Variants in MCUR1 observed in about 807,000 individuals in gnomAD.
MCUR1 encodes the protein MCU regulator 1.
A neutral mutation model predicts 42.0 loss-of-function variants in MCUR1; 37 were observed. That is an observed-to-expected ratio of 0.88 (90% CI 0.68 to 1.16). MCUR1 has a LOEUF of 1.16. Among genes scored for constraint, MCUR1 ranks in the 50% most tolerant of loss-of-function variants. The pLI, the probability that MCUR1 is intolerant of heterozygous loss-of-function variation, is 0.00. For missense variants in MCUR1, 469 were observed against 468.4 expected (o/e 1.00, Z -0.01); for synonymous variants, 229 against 196.2 (o/e 1.17, Z -1.40).
chr6:13,812,340 C>T (rs1287686744), intron 1 of MCUR1, among the ~76,000 whole-genome samples: 1 of 150,938 alleles, frequency 6.6e-6, no homozygotes, highest in Non-Finnish European at 1.5e-5. Context: ...TTAACTGTGT[C>T]TCTGCTCTCT....
At chr6:13,794,833 C>T (rs1049695345) in intron 6 of MCUR1, among the ~76,000 whole-genome samples, 1 of 152,054 alleles carries the variant, frequency 6.6e-6, no homozygotes, top group African/African-American at 2.4e-5. Flanking sequence ...CATAATCCAG[C>T]GTTACTAAAG....
In MCUR1 at chr6:13,801,390, C is replaced by G. The variant is rs1016585041; in HGVS notation, c.640-1G>C. ...ACATTACTTGCTGAAAAGTGATTTC[C>G]TAGGAAAAGAAAAACAAAACACATA... On this transcript the variant is annotated splice_acceptor_variant, in intron 3 of 8. Coordinates refer to ENST00000379170, the MANE Select transcript of MCUR1 (RefSeq NM_001031713.4). LOFTEE classifies it high-confidence loss of function. 4.4e-6 allele frequency: 7 copies of G among 1,602,478 alleles called. No individual in the cohort carries two copies. The highest frequency in any genetic ancestry group is 5.1e-6 in the Non-Finnish European group (6 of 1,173,600).
At chr6:13,812,850 C>A (rs557789444) in intron 1 of MCUR1, among the ~76,000 whole-genome samples, 1 of 152,188 alleles carries the variant, frequency 6.6e-6, no homozygotes, top group East Asian at 1.9e-4. Flanking sequence ...TGATTTTTTT[C>A]TTTAATCAAC....
At chr6:13,800,573 AAGTTAACTC>A (rs1175227512) in intron 4 of MCUR1, among the ~76,000 whole-genome samples, 191 bp from the exon 5 acceptor site, 1 of 152,186 alleles carries the variant, frequency 6.6e-6, no homozygotes, top group Non-Finnish European at 1.5e-5. Context: ...AGGCTATGTA[AAGTTAACTC>A]AGTTGTGTTT....
At chr6:13,810,976 A>G (rs1409115910) in intron 1 of MCUR1, among the ~76,000 whole-genome samples, 1 of 152,116 alleles carries the variant, frequency 6.6e-6, no homozygotes, top group Admixed American at 6.5e-5. Context: ...AAGCTATTCT[A>G]TTTCCTGCAA....
intron 6 of MCUR1, among the ~76,000 whole-genome samples, chr6:13,794,785 G>C (rs992188767): frequency 1.3e-5 from 2 of 151,566 alleles, no homozygotes; most frequent in Non-Finnish European, 2.9e-5. Flanking sequence ...TGCACATGTT[G>C]GTTTTAATAA....
chr6:13,806,992 G>A lies in MCUR1; in HGVS notation c.468C>T (p.Phe156=). 2 of 1,613,680 alleles carry A rather than the reference G, an allele frequency of 1.2e-6. No individual in the cohort carries two copies. The highest frequency in any genetic ancestry group is 1.1e-5 in the South Asian group (1 of 91,060). Residue 156 remains phenylalanine (F), a synonymous_variant, in exon 2 of 9, where the codon TTC becomes TTT. Coordinates refer to ENST00000379170, the MANE Select transcript of MCUR1 (RefSeq NM_001031713.4). ...SLQLERKRRD[F]TSSGSRKLYF... ...AGAGTTTCCTGCTCCCAGAAGAGGT[G>A]AAATCTCTCCTTTTGCGCTCCAGCT...
rs1351825678 is a variant in MCUR1, at chr6:13,807,160, G to A, written c.416-116C>T. 37 of 1,130,956 alleles carry A rather than the reference G, an allele frequency of 3.3e-5. No individual in the cohort carries two copies. In the Admixed American group the frequency reaches 3.4e-4, roughly 10 times the overall value. The allele number at this position is 1,130,956 out of a possible 1,614,324, so 70.1% of individuals were successfully genotyped here. ...CTTCGTGGTACTTTATAACAGCTTC[G>A]TTGAGATATACAATTCACCCAATTT... On this transcript the variant is annotated intron_variant, in intron 1 of 8. Coordinates refer to ENST00000379170, the MANE Select transcript of MCUR1 (RefSeq NM_001031713.4).
intron 1 of MCUR1, among the ~76,000 whole-genome samples, chr6:13,810,771 T>C (rs1246288699): frequency 1.3e-5 from 2 of 152,184 alleles, no homozygotes; most frequent in Non-Finnish European, 2.9e-5. Flanking sequence ...CAATAATCCA[T>C]ATCTGTATCA....
In MCUR1 at chr6:13,790,708, C is replaced by T. The variant is rs551211247; in HGVS notation, c.*101G>A. 1 of 836,402 alleles carries T rather than the reference C, an allele frequency of 1.2e-6. No individual in the cohort carries two copies. The highest frequency in any genetic ancestry group is 1.8e-5 in the African/African-American group (1 of 57,014). 51.8% of individuals were successfully genotyped at this position (836,402 alleles called of 1,614,324 possible). A position where few individuals can be genotyped will look rare whatever the true frequency, so the allele number is the denominator to read the frequency against. On this transcript the variant is annotated 3_prime_UTR_variant, in exon 9 of 9. Transcript: ENST00000379170. Reference sequence around the variant, plus strand: ...CCTCAGGTAATCCACCTGCCTCAGCCTCCCAAAGTGCTGGAATTACAGGTG... The same window carrying T: ...CCTCAGGTAATCCACCTGCCTCAGCTTCCCAAAGTGCTGGAATTACAGGTG...
chr6:13,808,333 A>G (rs1219822904), intron 1 of MCUR1, among the ~76,000 whole-genome samples: 3 of 152,180 alleles, frequency 2.0e-5, no homozygotes, highest in African/African-American at 7.2e-5. Flanking sequence ...TCCTTTGCCC[A>G]TTTTTAATAG....
intron 3 of MCUR1, among the ~76,000 whole-genome samples, chr6:13,801,690 A>G (rs1292818236): frequency 6.6e-6 from 1 of 152,106 alleles, no homozygotes; most frequent in Non-Finnish European, 1.5e-5. Flanking sequence ...TCTCTACCAA[A>G]AGTACAAAAA....
rs1229917460 is a variant in MCUR1, at chr6:13,787,543, G to A, written c.*3266C>T. On this transcript the variant is annotated 3_prime_UTR_variant, in exon 9 of 9. Coordinates refer to ENST00000379170, the MANE Select transcript of MCUR1 (RefSeq NM_001031713.4). ...ATCGGAGTTCAGACTCTTTAGAAAA[G>A]ACAAAAGGCAGGGGAGGGGAGAGAA... The A allele has an allele frequency of 6.6e-6, 1 of 152,212 alleles. No individual in the cohort carries two copies. The highest frequency in any genetic ancestry group is 2.4e-5 in the African/African-American group (1 of 41,444). The allele number at this position is 152,212 out of a possible 1,614,324, so 9.4% of individuals were successfully genotyped here.
chr6:13,799,827 C>CTTTTTTTTTTTTTTTTTTTTTTTTT (rs542304036), intron 5 of MCUR1, among the ~76,000 whole-genome samples: 2 of 96,214 alleles, frequency 2.1e-5, no homozygotes, highest in Non-Finnish European at 4.1e-5. Flanking sequence ...ACACAATTTT[C>CTTTTTTTTTTTTTTTTTTTTTTTTT]TTTTTTTTTT....
intron 7 of MCUR1, among the ~76,000 whole-genome samples, chr6:13,792,408 A>G (rs1436520167): frequency 6.6e-6 from 1 of 152,236 alleles, no homozygotes; most frequent in African/African-American, 2.4e-5. Context: ...AGTCAAAGAT[A>G]GACAGTAAAC....
intron 3 of MCUR1, 30 bp from the exon 4 acceptor site, chr6:13,801,419 T>TA: frequency 6.7e-7 from 1 of 1,489,388 alleles, no homozygotes; most frequent in Non-Finnish European, 9.3e-7. Flanking sequence ...ACACATAATC[T>TA]AGTCTACCCT....
intron 6 of MCUR1, among the ~76,000 whole-genome samples, chr6:13,797,848 A>G (rs1318918982): frequency 6.6e-6 from 1 of 151,724 alleles, no homozygotes; most frequent in Non-Finnish European, 1.5e-5. Flanking sequence ...ACATGGTGAA[A>G]CCCTGTCTCT....
rs529723680 is a variant in MCUR1, at chr6:13,814,469, C to G, written c.-40G>C. ...CTGGCCCGGGCGCGCGCTCATGCCTCTCGCTTTTGGCGCCGGCCACGCGCG... is the reference window on the plus strand; with the variant it reads ...CTGGCCCGGGCGCGCGCTCATGCCTGTCGCTTTTGGCGCCGGCCACGCGCG... On this transcript the variant is annotated 5_prime_UTR_variant, in exon 1 of 9. Transcript: ENST00000379170. 546 of 1,446,314 alleles carry G rather than the reference C, an allele frequency of 3.8e-4. 10 individuals carry two copies. In the South Asian group the frequency reaches 5.5e-3, roughly 15 times the overall value. 89.6% of individuals were successfully genotyped at this position (1,446,314 alleles called of 1,614,324 possible).
At position 13,798,987 on chromosome 6, in the gene MCUR1, GC is replaced by G. The variant is rs1759924560; in HGVS notation, c.784-84del. The G allele has an allele frequency of 9.6e-5, 78 of 813,310 alleles. 2 individuals are homozygous for G. In the South Asian group the frequency reaches 1.1e-3, roughly 12 times the overall value. 50.4% of individuals were successfully genotyped at this position (813,310 alleles called of 1,614,324 possible). A position where few individuals can be genotyped will look rare whatever the true frequency, so the allele number is the denominator to read the frequency against. ...ATGAGGACGTGACACTGGGACCACT[GC>G]CCCCACTGTCCCTATCCTAGGCGAG... On this transcript the variant is annotated intron_variant, in intron 5 of 8. Transcript: ENST00000379170.
Sources: allele counts gnomAD v4.1 joint callset (sites outside exome capture counted in the v4.1 genomes callset), GRCh38; gene constraint gnomAD v4.1.1; transcripts MANE v1.5; gene names NCBI Gene and HGNC (gene_info 2026-07-23, HGNC 2026-07-21).